RBFOX1: variants seen among roughly 807,000 people sequenced by gnomAD.
RBFOX1 encodes the protein RNA binding protein fox-1 homolog 1.
RBFOX1 carries 8 observed loss-of-function variants against 57.7 expected under a neutral mutation model. That is an observed-to-expected ratio of 0.14 (90% CI 0.08 to 0.25). The LOEUF (loss-of-function observed/expected upper bound fraction) is 0.25. Ranked by LOEUF, RBFOX1 falls within the 10% of genes least tolerant of loss-of-function variation. The probability of loss-of-function intolerance (pLI) is 1.00; values close to 1 mark genes in which losing one functional copy is unlikely to be tolerated. For missense variants in RBFOX1, 611 were observed against 548.5 expected (o/e 1.11, Z -1.14); for synonymous variants, 326 against 222.4 (o/e 1.47, Z -4.15).
At chr16:6,898,957 TTGTG>T (rs1292171421) in intron 3 of RBFOX1, among the ~76,000 whole-genome samples, 2 of 151,728 alleles carry the variant, frequency 1.3e-5, no homozygotes, top group African/African-American at 2.4e-5. Context: ...GTATAATACA[TTGTG>T]TATGTGTATG....
intron 2 of RBFOX1, among the ~76,000 whole-genome samples, chr16:6,465,598 CTG>C (rs56131263): frequency 0.024 from 3,504 of 144,948 alleles, 35 homozygotes; most frequent in Non-Finnish European, 0.027. Flanking sequence ...ATGTATAGGG[CTG>C]TGTGTGTGTG....
chr16:7,446,932 C>T (rs1484018542), intron 4 of RBFOX1, among the ~76,000 whole-genome samples: 1 of 150,732 alleles, frequency 6.6e-6, no homozygotes, highest in Non-Finnish European at 1.5e-5. Context: ...CCTGTCTCAG[C>T]CTCCCAAGTA....
chr16:5,680,893 TTGTG>T (rs34949358), intron 3 of RBFOX1, among the ~76,000 whole-genome samples: 2 of 150,200 alleles, frequency 1.3e-5, no homozygotes, highest in Non-Finnish European at 3.0e-5. Flanking sequence ...GAGCTTGTAT[TTGTG>T]TGTGTGTGTG....
intron 2 of RBFOX1, among the ~76,000 whole-genome samples, chr16:6,439,916 A>G (rs968658439): frequency 7.1e-6 from 1 of 139,948 alleles, no homozygotes; most frequent in Admixed American, 6.9e-5. Context: ...TGCAAAAACA[A>G]TACTCAGAAG....
At chr16:6,751,219 C>T (rs1456380515) in intron 3 of RBFOX1, among the ~76,000 whole-genome samples, 3 of 152,054 alleles carry the variant, frequency 2.0e-5, no homozygotes, top group Non-Finnish European at 1.5e-5. Context: ...GGGTATTGAG[C>T]TCTGATGTAT....
intron 4 of RBFOX1, among the ~76,000 whole-genome samples, chr16:7,267,607 T>G (rs1291013933): frequency 6.9e-6 from 1 of 145,778 alleles, no homozygotes; most frequent in Non-Finnish European, 1.5e-5. Flanking sequence ...GTAATCGTAG[T>G]ACTTTGGGAG....
chr16:6,674,356 C>G (rs541396861), intron 3 of RBFOX1, among the ~76,000 whole-genome samples: 106 of 151,740 alleles, frequency 7.0e-4, no homozygotes, highest in Non-Finnish European at 1.4e-3. Flanking sequence ...GAGTCTCACT[C>G]TGTTGCCCAG....
At chr16:7,144,018 C>T (rs1340865443) in intron 4 of RBFOX1, among the ~76,000 whole-genome samples, 1 of 152,044 alleles carries the variant, frequency 6.6e-6, no homozygotes, top group Non-Finnish European at 1.5e-5. Flanking sequence ...TAGTTTGGTT[C>T]CTGTGTAGTT....
chr16:7,406,955 C>G (rs2098352797), intron 4 of RBFOX1, among the ~76,000 whole-genome samples: 1 of 152,186 alleles, frequency 6.6e-6, no homozygotes, highest in African/African-American at 2.4e-5. Context: ...CTCTCTCTGT[C>G]TCTGCCTCTG....
intron 3 of RBFOX1, among the ~76,000 whole-genome samples, chr16:6,882,401 C>G (rs890881241): frequency 1.3e-5 from 2 of 152,018 alleles, no homozygotes; most frequent in Non-Finnish European, 2.9e-5. Context: ...CTCTTCCCAG[C>G]CTGGCCAACA....
chr16:5,463,693 G>A (rs1051102360), intron 1 of RBFOX1, among the ~76,000 whole-genome samples: 3 of 151,728 alleles, frequency 2.0e-5, no homozygotes, highest in Non-Finnish European at 4.4e-5. Flanking sequence ...CCAGCTACTC[G>A]GGAGGCTGAG....
At chr16:5,610,928 C>T (rs758449) in intron 3 of RBFOX1, among the ~76,000 whole-genome samples, 78,020 of 151,984 alleles carry the variant, frequency 0.51, 22,452 homozygotes, top group Non-Finnish European at 0.66. Flanking sequence ...GCTGGCTGAG[C>T]ATTTTAACAC....
intron 3 of RBFOX1, among the ~76,000 whole-genome samples, chr16:6,776,643 T>A (rs1420803537): frequency 6.6e-6 from 1 of 152,130 alleles, no homozygotes; most frequent in Admixed American, 6.5e-5. Context: ...CAAATCGGTA[T>A]GCCATCTCTA....
chr16:6,142,743 C>A (rs79759775), intron 1 of RBFOX1, among the ~76,000 whole-genome samples: 2 of 152,146 alleles, frequency 1.3e-5, no homozygotes, highest in East Asian at 3.9e-4. Context: ...AAATTACTGC[C>A]TTCTCCTAAA....
At chr16:6,381,368 C>A (rs1313840471) in intron 2 of RBFOX1, among the ~76,000 whole-genome samples, 1 of 152,058 alleles carries the variant, frequency 6.6e-6, no homozygotes, top group Non-Finnish European at 1.5e-5. Context: ...GTCTATTATT[C>A]CACCCTGTAT....
intron 4 of RBFOX1, among the ~76,000 whole-genome samples, chr16:7,272,514 C>G (rs1198511134): frequency 6.6e-6 from 1 of 152,186 alleles, no homozygotes; most frequent in East Asian, 1.9e-4. Context: ...ATATATGTTG[C>G]TTCTTATTCT....
intron 3 of RBFOX1, among the ~76,000 whole-genome samples, chr16:7,021,175 G>C (rs1024177423): frequency 6.6e-6 from 1 of 151,850 alleles, no homozygotes; most frequent in African/African-American, 2.4e-5. Flanking sequence ...AGCATCACAG[G>C]ACAAGGGAAA....
intron 3 of RBFOX1, among the ~76,000 whole-genome samples, chr16:6,994,438 C>G (rs546901130): frequency 1.7e-4 from 26 of 152,198 alleles, no homozygotes; most frequent in African/African-American, 6.0e-4. Context: ...TAAAAACCAC[C>G]CCCAGCTCTC....
intron 2 of RBFOX1, among the ~76,000 whole-genome samples, chr16:6,330,377 G>T (rs763419684): frequency 9.9e-5 from 15 of 152,172 alleles, no homozygotes; most frequent in Non-Finnish European, 2.1e-4. Flanking sequence ...GCCTTGCACA[G>T]CAGCTCTCGT....
Sources: gnomAD v4.1 joint callset for allele counts (sites outside exome capture counted in the v4.1 genomes callset) on GRCh38, gnomAD v4.1.1 for gene constraint, MANE v1.5 for transcripts, NCBI Gene and HGNC (gene_info 2026-07-23, HGNC 2026-07-21) for gene names.